The following AKAP13 variants were observed in gnomAD, a reference collection of about 807,000 sequenced individuals.
The protein encoded by AKAP13 is A-kinase anchor protein 13.
In AKAP13, 80 loss-of-function variants were observed where a neutral mutation model predicts 264.5. That is an observed-to-expected ratio of 0.30 (90% CI 0.25 to 0.36). AKAP13 has a LOEUF of 0.36. AKAP13 is among the 10% of genes least tolerant of loss of function. AKAP13 has a pLI of 1.00. For synonymous variants in AKAP13, 1,380 were observed against 1,250.2 expected, an observed-to-expected ratio of 1.10 and a Z score of -2.19; for missense variants, 3,712 against 3,435.2, an observed-to-expected ratio of 1.08 and a Z score of -2.01.
In AKAP13 at chr15:85,741,103, A is replaced by G. The variant is rs556123704; in HGVS notation, c.7666A>G (p.Arg2556Gly). 1 of 1,613,548 alleles carries G rather than the reference A, an allele frequency of 6.2e-7. No homozygotes were observed. Among genetic ancestry groups the G allele is most frequent in the South Asian group, 1.1e-5 (1 of 91,054 alleles). The change falls in exon 35 of 37, where the codon AGG becomes GGG. Residue 2556 changes from arginine (R) to glycine (G), a missense_variant. By Grantham distance (125) the Arg-to-Gly change is moderately radical. Transcript: ENST00000394518. ...GGACCAGAAACTGGTGCTGAGCGAG[A>G]GGGCGCTCACTCGCAGCTTGTCCCG... Reference protein sequence around the residue: ...IEDQKLVLSERALTRSLSRPS... With the variant: ...IEDQKLVLSEGALTRSLSRPS...
At chr15:85,542,418 C>A (rs960876111) in intron 4 of AKAP13, among the ~76,000 whole-genome samples, 7 of 152,208 alleles carry the variant, frequency 4.6e-5, no homozygotes, top group African/African-American at 1.7e-4. Flanking sequence ...CATTTGGAAA[C>A]AGTGTAATTC....
chr15:85,598,010 A>G (rs1260681798), intron 8 of AKAP13, among the ~76,000 whole-genome samples: 1 of 152,098 alleles, frequency 6.6e-6, no homozygotes, highest in Admixed American at 6.6e-5. Flanking sequence ...AATATTCTTT[A>G]TCTTTTGGTT....
chr15:85,659,249 G>T (rs534484761), intron 12 of AKAP13, among the ~76,000 whole-genome samples: 1 of 152,176 alleles, frequency 6.6e-6, no homozygotes, highest in African/African-American at 2.4e-5. Context: ...CAAATTTTCC[G>T]TTGGATTTTC....
At chr15:85,460,763 C>G (rs1321803240) in intron 1 of AKAP13, among the ~76,000 whole-genome samples, 1 of 152,174 alleles carries the variant, frequency 6.6e-6, no homozygotes, top group Non-Finnish European at 1.5e-5. Context: ...TTTGCTGGCT[C>G]TGAAGATGGA....
intron 5 of AKAP13, among the ~76,000 whole-genome samples, chr15:85,562,553 A>T (rs2078419550): frequency 9.1e-6 from 1 of 110,002 alleles, no homozygotes; most frequent in African/African-American, 3.5e-5. Flanking sequence ...TGACAGAGTG[A>T]GAATCTGCCT....
At chr15:85,393,635 C>G (rs942686520) in intron 1 of AKAP13, among the ~76,000 whole-genome samples, 3 of 152,196 alleles carry the variant, frequency 2.0e-5, no homozygotes, top group Non-Finnish European at 2.9e-5. Flanking sequence ...TCTACATTCT[C>G]TTAATTCCTT....
At chr15:85,532,490 ATTAAT>A (rs756899724) in intron 3 of AKAP13, among the ~76,000 whole-genome samples, 3 of 152,232 alleles carry the variant, frequency 2.0e-5, no homozygotes, top group Non-Finnish European at 4.4e-5. Flanking sequence ...GGTGCCCATG[ATTAAT>A]CAGGCAGAGC....
chr15:85,528,525 T>G (rs1555440037), intron 3 of AKAP13, among the ~76,000 whole-genome samples: 1 of 152,206 alleles, frequency 6.6e-6, no homozygotes, highest in Non-Finnish European at 1.5e-5. Flanking sequence ...GCTCTAATGT[T>G]TTTAACAATC....
chr15:85,670,196 T>A (rs1209064751), intron 14 of AKAP13, among the ~76,000 whole-genome samples: 1 of 152,130 alleles, frequency 6.6e-6, no homozygotes. Context: ...TCACGTCCAG[T>A]CCTCAAATGT....
chr15:85,477,636 GGA>G (rs1491226935), intron 1 of AKAP13, among the ~76,000 whole-genome samples: 1,250 of 34,300 alleles, frequency 0.036, 44 homozygotes, highest in African/African-American at 0.078. Flanking sequence ...CTTAAAAAAA[GGA>G]AAAAAAAAAA....
chr15:85,619,152 GGGAGGAGGA>G (rs568427036), intron 8 of AKAP13, among the ~76,000 whole-genome samples: 1 of 151,878 alleles, frequency 6.6e-6, no homozygotes, highest in Admixed American at 6.6e-5. Context: ...TCATAGGGGT[GGGAGGAGGA>G]GGAGGAGGAA....
chr15:85,735,205 A>C, intron 31 of AKAP13, 55 bp downstream of exon 31: 1 of 1,568,572 alleles, frequency 6.4e-7, no homozygotes, highest in Non-Finnish European at 8.6e-7. Context: ...ATCTCACACA[A>C]CTCAAAATGA....
intron 8 of AKAP13, among the ~76,000 whole-genome samples, chr15:85,626,165 TCTAA>T (rs1383262607): frequency 6.6e-6 from 1 of 152,244 alleles, no homozygotes; most frequent in Non-Finnish European, 1.5e-5. Context: ...TGGCTCTGAC[TCTAA>T]CTGTGTGGGC....
chr15:85,594,774 A>G (rs1009888862), intron 8 of AKAP13, among the ~76,000 whole-genome samples: 2 of 152,234 alleles, frequency 1.3e-5, no homozygotes, highest in Non-Finnish European at 2.9e-5. Context: ...CTACCTGGGT[A>G]CCTACAATTT....
At chr15:85,524,766 A>G (rs889054892) in intron 3 of AKAP13, among the ~76,000 whole-genome samples, 11 of 151,402 alleles carry the variant, frequency 7.3e-5, no homozygotes, top group African/African-American at 2.2e-4. Flanking sequence ...CTCCCCACCC[A>G]TCTCAGTTTT....
At position 85,471,608 on chromosome 15, in the gene AKAP13, G is replaced by A. The variant is rs1444530547; in HGVS notation, c.-11-14102G>A. On this transcript the variant is annotated intron_variant, in intron 1 of 36. Coordinates refer to ENST00000394518, the MANE Select transcript of AKAP13 (RefSeq NM_007200.5). ...TCAGTTGGTTCTGATAACTGCGTAC[G>A]TAACCACCACCACAATCAGCAAATA... 3.3e-5 allele frequency among the ~76,000 whole-genome samples: 5 copies of A among 152,176 alleles called. No homozygotes were observed. The South Asian group carries it at 6.2e-4, about 19-fold the overall frequency.
chr15:85,690,442 G>A (rs1454663945), intron 16 of AKAP13, among the ~76,000 whole-genome samples: 1 of 152,144 alleles, frequency 6.6e-6, no homozygotes, highest in Non-Finnish European at 1.5e-5. Flanking sequence ...TTTAGTTGTT[G>A]ATTATTACTA....
intron 1 of AKAP13, among the ~76,000 whole-genome samples, chr15:85,414,406 G>A (rs1449895062): frequency 2.0e-5 from 3 of 152,080 alleles, no homozygotes; most frequent in Non-Finnish European, 4.4e-5. Context: ...TAAGACCACC[G>A]TGCTTTCTTT....
chr15:85,620,239 G>GC lies in AKAP13; in HGVS notation c.4162-19133dup, dbSNP rs374551346. ...CTGTTTTAGCGCTTTGAACCCGGTA[G>GC]CCATGTCCCTGGCCCTCCTGTATTG... On this transcript the variant is annotated intron_variant, in intron 8 of 36. Transcript: ENST00000394518. 6.3e-5 allele frequency: 92 copies of GC among 1,450,890 alleles called. No individual in the cohort carries two copies. In the East Asian group the frequency reaches 2.2e-3, roughly 34 times the overall value. The allele number at this position is 1,450,890 out of a possible 1,614,324, so 89.9% of individuals were successfully genotyped here.
Sources: gnomAD v4.1 joint callset for allele counts (sites outside exome capture counted in the v4.1 genomes callset) on GRCh38, gnomAD v4.1.1 for gene constraint, MANE v1.5 for transcripts, NCBI Gene and HGNC (gene_info 2026-07-23, HGNC 2026-07-21) for gene names.